Variants in RIMS2 observed in about 807,000 individuals in gnomAD.
The protein encoded by RIMS2 is regulating synaptic membrane exocytosis 2.
A neutral mutation model predicts 174.4 loss-of-function variants in RIMS2; 59 were observed. The observed-to-expected ratio is 0.34, with a 90% CI of 0.27 to 0.42. RIMS2 has a LOEUF of 0.42. RIMS2 is among the 10% of genes least tolerant of loss of function. RIMS2 has a pLI of 1.00. For synonymous variants in RIMS2, 606 were observed against 572.5 expected, an observed-to-expected ratio of 1.06 and a Z score of -0.84; for missense variants, 1,620 against 1,666.3, an observed-to-expected ratio of 0.97 and a Z score of 0.48.
In RIMS2 at chr8:103,748,939, T is replaced by A. The variant is rs149088123; in HGVS notation, c.388-17288T>A. On this transcript the variant is annotated intron_variant, in intron 2 of 23. Transcript: ENST00000504942. ...CCTCAGCCTCCTGAGTAGCTAGGAT[T>A]ACAGGCATGCACTACGAAGCCCAGC... 9.5e-3 allele frequency among the ~76,000 whole-genome samples: 1,439 copies of A among 152,000 alleles called. 24 individuals carry two copies. The highest frequency in any genetic ancestry group is 0.039 in the East Asian group (202 of 5,172).
intron 3 of RIMS2, 84 bp downstream of exon 6, chr8:103,766,621 G>C: frequency 1.1e-6 from 1 of 898,652 alleles, no homozygotes; most frequent in African/African-American, 1.7e-5. Flanking sequence ...GAAATGTTTA[G>C]GCAATGGTGA....
intron 1 of RIMS2, among the ~76,000 whole-genome samples, chr8:103,658,377 T>C (rs929246523): frequency 6.6e-6 from 1 of 152,230 alleles, no homozygotes. Flanking sequence ...CTTTAGTTGA[T>C]CACTAGGGAT....
intron 4 of RIMS2, among the ~76,000 whole-genome samples, chr8:103,892,046 T>C (rs2099249239): frequency 6.6e-6 from 1 of 152,086 alleles, no homozygotes; most frequent in African/African-American, 2.4e-5. Context: ...GAAGATAGGC[T>C]GTTGAAGACA....
At chr8:104,116,140 C>G (rs1001976662) in intron 19 of RIMS2, among the ~76,000 whole-genome samples, 17 of 152,122 alleles carry the variant, frequency 1.1e-4, no homozygotes, top group Admixed American at 1.1e-3. Flanking sequence ...GATTGCATTT[C>G]TAAAGTATTC....
downstream of RIMS2, chr8:104,254,955 A>G (rs984713187): frequency 2.6e-5 from 4 of 152,166 alleles, no homozygotes; most frequent in Non-Finnish European, 5.9e-5. Context: ...GTGGATATGA[A>G]TGGGTGAGAG....
At chr8:104,176,090 C>T (rs2098890689) in intron 19 of RIMS2, among the ~76,000 whole-genome samples, 5 of 152,116 alleles carry the variant, frequency 3.3e-5, no homozygotes, top group Admixed American at 3.3e-4. Context: ...ATAACAATCT[C>T]GAGTTCCTCA....
intron 2 of RIMS2, among the ~76,000 whole-genome samples, chr8:103,725,637 A>T (rs2097519444): frequency 6.6e-6 from 1 of 152,120 alleles, no homozygotes; most frequent in South Asian, 2.1e-4. Context: ...GGACATATGG[A>T]TTGCTTCTAG....
chr8:104,094,811 T>C (rs1598699537), intron 19 of RIMS2: 2 of 584,134 alleles, frequency 3.4e-6, no homozygotes, highest in Non-Finnish European at 3.0e-6. Flanking sequence ...GCCATTTCCA[T>C]TTGCTTTATT....
At chr8:104,040,031 G>GT (rs963891494) in intron 19 of RIMS2, among the ~76,000 whole-genome samples, 1 of 151,336 alleles carries the variant, frequency 6.6e-6, no homozygotes, top group African/African-American at 2.4e-5. Flanking sequence ...AAGATTTCTG[G>GT]TTTTTTCCTA....
intron 19 of RIMS2, among the ~76,000 whole-genome samples, chr8:104,162,824 C>A (rs909057903): frequency 6.6e-6 from 1 of 152,130 alleles, no homozygotes; most frequent in Non-Finnish European, 1.5e-5. Flanking sequence ...TCTTTAATTT[C>A]ATTAAAATTT....
intron 19 of RIMS2, among the ~76,000 whole-genome samples, chr8:104,095,894 C>T (rs977887952): frequency 2.0e-5 from 3 of 151,982 alleles, no homozygotes; most frequent in Non-Finnish European, 2.9e-5. Flanking sequence ...GTGATTTAGC[C>T]GATGTCCCTT....
intron 19 of RIMS2, among the ~76,000 whole-genome samples, chr8:104,202,503 G>GT: frequency 6.6e-6 from 1 of 152,340 alleles, no homozygotes. Flanking sequence ...CACAGACTAG[G>GT]TAGCTTAAGC....
chr8:103,843,700 G>A (rs1446859035), intron 3 of RIMS2, among the ~76,000 whole-genome samples: 1 of 152,164 alleles, frequency 6.6e-6, no homozygotes, highest in African/African-American at 2.4e-5. Context: ...TAACTATGGT[G>A]AAGACTACCT....
intron 1 of RIMS2, among the ~76,000 whole-genome samples, chr8:103,611,965 TTTA>T (rs1364122804): frequency 8.9e-4 from 92 of 103,170 alleles, no homozygotes; most frequent in African/African-American, 3.6e-3. Flanking sequence ...TTCATTGTTT[TTTA>T]TTTTTTTTCT....
At position 104,220,387 on chromosome 8, in the gene RIMS2, T is replaced by C. The variant is rs533724821; in HGVS notation, c.3335-24529T>C. Among the ~76,000 whole-genome samples, 173 of 152,240 alleles carry C rather than the reference T, an allele frequency of 1.1e-3. 1 individual carries two copies. Among genetic ancestry groups the C allele is most frequent in the African/African-American group, 3.8e-3 (158 of 41,550 alleles). ...AGACTATTCCAGACTAACTTCTTCT[T>C]GGTTCATGAAACCAGGTTATTAACA... On this transcript the variant is annotated intron_variant, in intron 19 of 23. Transcript: ENST00000504942.
chr8:103,996,858 G>A (rs1273206775), intron 17 of RIMS2, among the ~76,000 whole-genome samples: 1 of 151,742 alleles, frequency 6.6e-6, no homozygotes, highest in Non-Finnish European at 1.5e-5. Context: ...TGGAGTACTC[G>A]GCATATAGTT....
At chr8:104,187,783 C>T (rs573009092) in intron 19 of RIMS2, among the ~76,000 whole-genome samples, 1 of 151,690 alleles carries the variant, frequency 6.6e-6, no homozygotes, top group Non-Finnish European at 1.5e-5. Flanking sequence ...GTGGTAAGAC[C>T]TTCCAAACTC....
intron 19 of RIMS2, among the ~76,000 whole-genome samples, chr8:104,185,052 A>G (rs1424427786): frequency 6.6e-6 from 1 of 151,358 alleles, no homozygotes; most frequent in Non-Finnish European, 1.5e-5. Context: ...TTCAGAGTTA[A>G]CCCTAGTTTG....
chr8:103,780,958 T>C (rs1306985229), intron 3 of RIMS2, among the ~76,000 whole-genome samples: 1 of 152,184 alleles, frequency 6.6e-6, no homozygotes, highest in Non-Finnish European at 1.5e-5. Context: ...TGCTGGATGG[T>C]ACCTTAAGCC....
Sources: allele counts gnomAD v4.1 joint callset (sites outside exome capture counted in the v4.1 genomes callset), GRCh38; gene constraint gnomAD v4.1.1; transcripts MANE v1.5; gene names NCBI Gene and HGNC (gene_info 2026-07-23, HGNC 2026-07-21).